NAA25: variants seen among roughly 807,000 people sequenced by gnomAD.
The protein encoded by NAA25 is N-alpha-acetyltransferase 25, NatB auxiliary subunit, also known as N-terminal acetyltransferase B complex subunit NAA25.
Under a neutral mutation model 132.5 loss-of-function variants are expected in NAA25, and 30 were observed. The observed-to-expected ratio is 0.23, with a 90% CI of 0.17 to 0.31. The LOEUF is 0.31. Ranked by LOEUF, NAA25 falls within the 10% of genes least tolerant of loss-of-function variation. The pLI, the probability that NAA25 is intolerant of heterozygous loss-of-function variation, is 1.00. For synonymous variants in NAA25, 359 were observed against 401.9 expected (o/e 0.89, Z 1.28); for missense variants, 771 against 1,150.4 (o/e 0.67, Z 4.77).
At chr12:112,040,941 A>G (rs1018040777) in intron 20 of NAA25, among the ~76,000 whole-genome samples, 1 of 152,206 alleles carries the variant, frequency 6.6e-6, no homozygotes, top group Non-Finnish European at 1.5e-5. Flanking sequence ...AGTACATTGT[A>G]GAAATGCATC....
chr12:112,066,687 G>A (rs2078723437), intron 11 of NAA25, among the ~76,000 whole-genome samples: 1 of 152,078 alleles, frequency 6.6e-6, no homozygotes, highest in Admixed American at 6.6e-5. Flanking sequence ...TTCTAGGCTT[G>A]GCCTGAGCCC....
At chr12:112,041,741 G>A (rs536527698) in intron 20 of NAA25, among the ~76,000 whole-genome samples, 3 of 152,110 alleles carry the variant, frequency 2.0e-5, no homozygotes, top group South Asian at 4.1e-4. Flanking sequence ...AGAATATTAC[G>A]CAGTCTTGAA....
chr12:112,088,806 G>A (rs1410212942), intron 3 of NAA25, among the ~76,000 whole-genome samples: 1 of 151,972 alleles, frequency 6.6e-6, no homozygotes, highest in East Asian at 1.9e-4. Context: ...TTTTAGTAGA[G>A]ATGGGGTTTC....
rs148931819 is a variant in NAA25 at position 112,091,617 on chromosome 12, C to T, written c.145-753G>A. Among the ~76,000 whole-genome samples, 561 of 151,620 alleles carry T rather than the reference C, an allele frequency of 3.7e-3. 2 individuals carry two copies. Among genetic ancestry groups the T allele is most frequent in the African/African-American group, 0.013 (533 of 41,344 alleles). On this transcript the variant is annotated intron_variant, in intron 2 of 23. Transcript: ENST00000261745. ...CTGAGGTAGGAGGATCGCTTGAGTC[C>T]GGGGGGTCAAAGCTGCAGTGAGCTG...
At chr12:112,065,906 A>G (rs1370825604) in intron 11 of NAA25, among the ~76,000 whole-genome samples, 1 of 152,234 alleles carries the variant, frequency 6.6e-6, no homozygotes, top group Non-Finnish European at 1.5e-5. Flanking sequence ...GCTGACTGGC[A>G]GGATATTTAG....
intron 16 of NAA25, 25 bp from the exon 17 acceptor site, chr12:112,047,815 T>G: frequency 6.3e-7 from 1 of 1,575,098 alleles, no homozygotes; most frequent in African/African-American, 1.4e-5. Flanking sequence ...AATCCACATA[T>G]TATTTTAATA....
At chr12:112,072,790 A>T (rs1019737221) in intron 9 of NAA25, among the ~76,000 whole-genome samples, 1 of 151,778 alleles carries the variant, frequency 6.6e-6, no homozygotes. Flanking sequence ...AATTTAAAGC[A>T]GCCAATTGTG....
At chr12:112,097,935 C>T (rs995000899) in intron 1 of NAA25, among the ~76,000 whole-genome samples, 6 of 151,768 alleles carry the variant, frequency 4.0e-5, no homozygotes, top group Middle Eastern at 3.4e-3. Flanking sequence ...CTGGCCAACA[C>T]GGTGAAACCC....
chr12:112,078,112 G>C, intron 7 of NAA25, 76 bp downstream of exon 7: 1 of 1,055,066 alleles, frequency 9.5e-7, no homozygotes, highest in Non-Finnish European at 1.4e-6. Context: ...TCCTTATGTG[G>C]AAATTTTCTA....
rs755246828 is a variant in NAA25, at chr12:112,060,231, A to T, written c.1447+39T>A. 2.9e-6 allele frequency: 4 copies of T among 1,396,358 alleles called. No individual in the cohort carries two copies. In the South Asian group the frequency reaches 4.8e-5, roughly 17 times the overall value. The allele number at this position is 1,396,358 out of a possible 1,614,324, so 86.5% of individuals were successfully genotyped here. On this transcript the variant is annotated intron_variant, in intron 13 of 23. Coordinates refer to ENST00000261745, the MANE Select transcript of NAA25 (RefSeq NM_024953.4). ...GAATGCAGTACTTATAATCAATAAA[A>T]GCAAAAAGTAAAGTTGAACTGAAAT...
intron 3 of NAA25, 37 bp downstream of exon 3, chr12:112,090,689 G>T (rs2079116050): frequency 6.3e-7 from 1 of 1,592,280 alleles, no homozygotes; most frequent in Non-Finnish European, 8.5e-7. Flanking sequence ...AAAATTTTCA[G>T]CTCAAGTTTA....
In NAA25 at chr12:112,059,075, C is replaced by CAA. The variant is rs530305102; in HGVS notation, c.1447+1193_1447+1194dup. Among the ~76,000 whole-genome samples the CAA allele has an allele frequency of 4.7e-5, 3 of 63,236 alleles. 1 individual carries two copies. Among genetic ancestry groups the CAA allele is most frequent in the Admixed American group, 2.0e-4 (1 of 5,110 alleles). The allele number at this position is 63,236 out of a possible 152,430, so 41.5% of individuals were successfully genotyped here. A position where few individuals can be genotyped will look rare whatever the true frequency, so the allele number is the denominator to read the frequency against. ...GGCGACAGAGCGAGACTCCATCTCA[C>CAA]AAAAAAAAAAAAAAAAAAAAAAAAA... is the stretch of plus-strand genomic sequence containing the variant. On this transcript the variant is annotated intron_variant, in intron 13 of 23. Transcript: ENST00000261745.
chr12:112,078,309 A>G, intron 6 of NAA25, 43 bp from the exon 7 acceptor site: 2 of 1,377,116 alleles, frequency 1.5e-6, no homozygotes, highest in Non-Finnish European at 2.0e-6. Context: ...GAAACTTTTC[A>G]ATAATAAAAA....
At chr12:112,087,852 G>A (rs777127693) in intron 3 of NAA25, 51 bp from the exon 4 acceptor site, 2 of 1,182,750 alleles carry the variant, frequency 1.7e-6, no homozygotes, top group Non-Finnish European at 2.5e-6. Flanking sequence ...ACATTCTAAT[G>A]GCATTTAATG....
At chr12:112,040,449 CAAT>C (rs752501072) in intron 21 of NAA25, 29 bp downstream of exon 21, 27 of 1,318,554 alleles carry the variant, frequency 2.0e-5, no homozygotes, top group Middle Eastern at 1.8e-4. Context: ...TTAAGAACAA[CAAT>C]GTCTTTTAGG....
chr12:112,098,828 G>A (rs1001251171), intron 1 of NAA25, among the ~76,000 whole-genome samples: 1 of 152,066 alleles, frequency 6.6e-6, no homozygotes, highest in African/African-American at 2.4e-5. Context: ...CGCGATCCCA[G>A]CTCACTGCAA....
chr12:112,027,378 T>C lies in NAA25; in HGVS notation c.*2153A>G, dbSNP rs1220537947. ...ACATGAGGGTTTCCAAAAGAACAGA[T>C]TGATAAGAGATATTGGCCATTTCTG... On this transcript the variant is annotated 3_prime_UTR_variant, in exon 24 of 24. Transcript: ENST00000261745. 1.3e-5 allele frequency: 2 copies of C among 152,488 alleles called. No individual in the cohort carries two copies. Among genetic ancestry groups the C allele is most frequent in the African/African-American group, 2.4e-5 (1 of 41,392 alleles). 9.4% of individuals were successfully genotyped at this position (152,488 alleles called of 1,614,324 possible). A position where few individuals can be genotyped will look rare whatever the true frequency, so the allele number is the denominator to read the frequency against.
At chr12:112,068,761 T>C in intron 11 of NAA25, 119 bp downstream of exon 11, 1 of 604,580 alleles carries the variant, frequency 1.7e-6, no homozygotes, top group South Asian at 2.3e-5. Context: ...ACAGGGCAGT[T>C]ATCATTGTAT....
intron 9 of NAA25, 140 bp downstream of exon 9, chr12:112,074,535 A>G: frequency 2.0e-6 from 1 of 490,794 alleles, no homozygotes; most frequent in Non-Finnish European, 3.6e-6. Flanking sequence ...TTATACTTTA[A>G]AAAATATGAA....
Sources: gnomAD v4.1 joint callset for allele counts (sites outside exome capture counted in the v4.1 genomes callset) on GRCh38, gnomAD v4.1.1 for gene constraint, MANE v1.5 for transcripts, NCBI Gene and HGNC (gene_info 2026-07-23, HGNC 2026-07-21) for gene names.